RPS6KC1: variants seen among roughly 807,000 people sequenced by gnomAD.
RPS6KC1 encodes ribosomal protein S6 kinase C1, also known as inactive ribosomal protein S6 kinase delta-1.
RPS6KC1 carries 54 observed loss-of-function variants against 103.8 expected under a neutral mutation model. The observed-to-expected ratio is 0.52, with a 90% CI of 0.42 to 0.65. The LOEUF is 0.65. Among genes scored for constraint, RPS6KC1 ranks in the 30% least tolerant of loss-of-function variants. RPS6KC1 has a pLI of 0.00. For missense variants in RPS6KC1, 1,151 were observed against 1,253.8 expected, an observed-to-expected ratio of 0.92 and a Z score of 1.24; for synonymous variants, 439 against 438.7, an observed-to-expected ratio of 1.00 and a Z score of -0.01.
chr1:213,662,218 G>A, the RPS6KC1 span, among the ~76,000 whole-genome samples: 1 of 65,338 alleles, frequency 1.5e-5, no homozygotes, highest in Non-Finnish European at 3.4e-5. Context: ...CTTAGCCTGT[G>A]TGCCTAGAAA....
the RPS6KC1 span, among the ~76,000 whole-genome samples, chr1:213,579,593 T>C: frequency 6.6e-6 from 1 of 152,214 alleles, no homozygotes; most frequent in East Asian, 1.9e-4. Flanking sequence ...AGATGCCATC[T>C]AGGACTTTCT....
intron 5 of RPS6KC1, among the ~76,000 whole-genome samples, chr1:213,120,333 A>T (rs1454971570): frequency 6.6e-6 from 1 of 152,192 alleles, no homozygotes; most frequent in African/African-American, 2.4e-5. Context: ...AATCCTGCTG[A>T]AAGATATTAG....
the RPS6KC1 span, among the ~76,000 whole-genome samples, chr1:213,754,984 A>G: frequency 6.6e-6 from 1 of 152,236 alleles, no homozygotes; most frequent in Non-Finnish European, 1.5e-5. Flanking sequence ...CCACAGTGCA[A>G]AGAATGTATT....
chr1:213,163,123 TAA>T (rs760151691), intron 6 of RPS6KC1, among the ~76,000 whole-genome samples: 2 of 151,958 alleles, frequency 1.3e-5, no homozygotes, highest in African/African-American at 4.8e-5. Context: ...AATCAGCACT[TAA>T]AAAAAACTAA....
Position 213,197,844 on chromosome 1 carries a change from G to A in RPS6KC1, c.1044+21352G>A, listed in dbSNP as rs960653441. ...CTTTTCCTTAAATTTATGTGCGTCCGTATGTGTTAGGTGAGTCTCTTGAAG... is the reference window on the plus strand; with the variant it reads ...CTTTTCCTTAAATTTATGTGCGTCCATATGTGTTAGGTGAGTCTCTTGAAG... On this transcript the variant is annotated intron_variant, in intron 8 of 14. Transcript: ENST00000366960. Among the ~76,000 whole-genome samples the A allele has an allele frequency of 3.9e-5, 6 of 152,184 alleles. 1 individual carries two copies. The highest frequency in any genetic ancestry group is 4.2e-4 in the South Asian group (2 of 4,818).
chr1:213,094,724 G>A (rs191193461), intron 3 of RPS6KC1, among the ~76,000 whole-genome samples: 13 of 152,198 alleles, frequency 8.5e-5, no homozygotes, highest in East Asian at 7.7e-4. Context: ...TGGTGTTCTC[G>A]TATTGAACAA....
At chr1:213,219,854 T>G in intron 8 of RPS6KC1, among the ~76,000 whole-genome samples, 1 of 104,854 alleles carries the variant, frequency 9.5e-6, no homozygotes. Flanking sequence ...CCGGGGCCTG[T>G]TGTGGGGTGG....
chr1:213,410,766 G>A, the RPS6KC1 span, among the ~76,000 whole-genome samples: 271 of 152,256 alleles, frequency 1.8e-3, no homozygotes, highest in Middle Eastern at 6.8e-3. Flanking sequence ...ATGTGAAGCC[G>A]GAAGGGAGCT....
At chr1:213,855,873 C>T in the RPS6KC1 span, among the ~76,000 whole-genome samples, 1 of 152,254 alleles carries the variant, frequency 6.6e-6, no homozygotes, top group Non-Finnish European at 1.5e-5. Context: ...TGATTTTCCA[C>T]ATCCATTGCT....
At chr1:213,277,180 TAGC>T (rs545460856), downstream of RPS6KC1, among the ~76,000 whole-genome samples, 468 of 152,332 alleles carry the variant, frequency 3.1e-3, 3 homozygotes, top group African/African-American at 0.011. Flanking sequence ...GTAAACAGAA[TAGC>T]AGCAGGGAAA....
At chr1:213,850,712 T>C in the RPS6KC1 span, among the ~76,000 whole-genome samples, 3 of 152,070 alleles carry the variant, frequency 2.0e-5, no homozygotes, top group Non-Finnish European at 4.4e-5. Flanking sequence ...ATATCCATGA[T>C]CCATGCTAGT....
chr1:213,764,837 G>A, the RPS6KC1 span, among the ~76,000 whole-genome samples: 4 of 152,288 alleles, frequency 2.6e-5, no homozygotes, highest in South Asian at 2.1e-4. Context: ...TTAGAAGGGC[G>A]AGTGTCTTTC....
At chr1:213,205,866 C>T (rs897328171) in intron 8 of RPS6KC1, among the ~76,000 whole-genome samples, 1 of 151,842 alleles carries the variant, frequency 6.6e-6, no homozygotes, top group Non-Finnish European at 1.5e-5. Context: ...TGTGTTTTCT[C>T]TTTATTTTGG....
At chr1:213,146,265 A>G (rs1572826414) in intron 6 of RPS6KC1, among the ~76,000 whole-genome samples, 2 of 151,698 alleles carry the variant, frequency 1.3e-5, no homozygotes, top group African/African-American at 4.8e-5. Context: ...GTGTATATGT[A>G]CCATTTTTTC....
At chr1:213,707,229 A>G in the RPS6KC1 span, among the ~76,000 whole-genome samples, 4,861 of 152,254 alleles carry the variant, frequency 0.032, 107 homozygotes, top group Non-Finnish European at 0.05. Context: ...GGACTTTTTA[A>G]TGATCAGCAT....
At chr1:213,858,932 G>A in the RPS6KC1 span, among the ~76,000 whole-genome samples, 1 of 152,164 alleles carries the variant, frequency 6.6e-6, no homozygotes, top group African/African-American at 2.4e-5. Context: ...TGGTCACAAT[G>A]CAAACAAAGT....
chr1:213,441,945 A>G, the RPS6KC1 span, among the ~76,000 whole-genome samples: 83 of 152,334 alleles, frequency 5.4e-4, 1 homozygote, highest in Middle Eastern at 6.8e-3. Context: ...TTATAGCTTT[A>G]CTTTGTACCC....
rs948822580 is a variant in RPS6KC1 at position 213,255,026 on chromosome 1, C to T, written c.2912-6532C>T. On this transcript the variant is annotated intron_variant, in intron 12 of 14. Coordinates refer to ENST00000366960, the MANE Select transcript of RPS6KC1 (RefSeq NM_012424.6). ...CTTTAAAATATTTTTCTAGGCCAGGCGTGGTGGCTCGTGCCTGTAATTCCA... is the reference window on the plus strand; with the variant it reads ...CTTTAAAATATTTTTCTAGGCCAGGTGTGGTGGCTCGTGCCTGTAATTCCA... Among the ~76,000 whole-genome samples, 10 of 151,734 alleles carry T rather than the reference C, an allele frequency of 6.6e-5. No individual in the cohort carries two copies. The East Asian group carries it at 1.2e-3, about 18-fold the overall frequency.
At chr1:213,648,406 G>A in the RPS6KC1 span, among the ~76,000 whole-genome samples, 2 of 152,274 alleles carry the variant, frequency 1.3e-5, no homozygotes, top group African/African-American at 4.8e-5. Context: ...TTGGTGCAAT[G>A]TCTGCTGACT....
Sources: gnomAD v4.1 joint callset for allele counts (sites outside exome capture counted in the v4.1 genomes callset) on GRCh38, gnomAD v4.1.1 for gene constraint, MANE v1.5 for transcripts, NCBI Gene and HGNC (gene_info 2026-07-23, HGNC 2026-07-21) for gene names.